The following MACF1 variants were observed in gnomAD, a reference collection of about 807,000 sequenced individuals.
MACF1 encodes the protein microtubule actin crosslinking factor 1.
MACF1 carries 193 observed loss-of-function variants against 854.8 expected under a neutral mutation model. That is an observed-to-expected ratio of 0.23 (90% CI 0.20 to 0.25). The LOEUF (loss-of-function observed/expected upper bound fraction) is 0.25, where lower values mean the gene tolerates loss of function less well. MACF1 is among the 10% of genes least tolerant of loss of function. The pLI is 1.00. For missense variants in MACF1, 7,722 were observed against 8,929.1 expected, an observed-to-expected ratio of 0.86 and a Z score of 5.45; for synonymous variants, 3,185 against 3,226.7, an observed-to-expected ratio of 0.99 and a Z score of 0.44.
chr1:39,337,417 C>G, intron 38 of MACF1, 86 bp downstream of exon 38: 3 of 1,351,126 alleles, frequency 2.2e-6, no homozygotes, highest in Non-Finnish European at 3.1e-6. Context: ...CTTACTAGAA[C>G]CTGCTTGCAC....
chr1:39,257,602 G>A (rs570608562), intron 5 of MACF1: 92 of 210,280 alleles, frequency 4.4e-4, no homozygotes, highest in African/African-American at 7.1e-4. Context: ...GCGTCTGGCC[G>A]GCAGTTTCAA....
chr1:39,340,479 G>T (rs1357484556), intron 38 of MACF1, 23 bp from the exon 39 acceptor site: 1 of 1,567,710 alleles, frequency 6.4e-7, no homozygotes, highest in Non-Finnish European at 8.7e-7. Flanking sequence ...GCTTTTATAG[G>T]TAACTCCACT....
chr1:39,336,441 A>G lies in MACF1; in HGVS notation c.9853A>G (p.Thr3285Ala). ...LFKGVSQKEN[T>A]GQQNAIISPT... is the part of the protein sequence containing the mutation. The stretch of plus-strand genomic sequence containing the variant: ...CAAAGGAGTGTCTCAAAAAGAGAAT[A>G]CAGGGCAACAGAATGCCATCATTAG... Residue 3285 changes from threonine (T) to alanine (A), a missense_variant, in exon 37 of 101, where the codon ACA (threonine) becomes GCA (alanine). Physicochemically the swap from Thr to Ala is moderately conservative, Grantham distance 58. Around this residue, in one of 15 missense-constraint regions of MACF1, gnomAD observed 854 missense variants for 852.6 expected, o/e 1.00. Coordinates refer to ENST00000564288, the MANE Select transcript of MACF1 (RefSeq NM_001394062.1). 1 of 1,614,186 alleles carries G rather than the reference A, an allele frequency of 6.2e-7. No homozygotes were observed. Among genetic ancestry groups the G allele is most frequent in the African/African-American group, 1.3e-5 (1 of 75,050 alleles).
At chr1:39,089,199 AT>A (rs953639431) in intron 2 of MACF1, among the ~76,000 whole-genome samples, 23 of 149,956 alleles carry the variant, frequency 1.5e-4, no homozygotes, top group African/African-American at 4.4e-4. Context: ...CCCTGTCTCT[AT>A]TTTTTTTTTA....
intron 52 of MACF1, among the ~76,000 whole-genome samples, chr1:39,377,005 C>T (rs1434073280): frequency 2.0e-5 from 3 of 151,220 alleles, no homozygotes; most frequent in Non-Finnish European, 4.4e-5. Context: ...TGGCCCACAA[C>T]TATTTTGTTT....
chr1:39,439,490 A>G lies in MACF1; in HGVS notation c.18437A>G (p.Glu6146Gly). ...IDPSIIKQQV[E>G]AAETIKEETD... is the part of the protein sequence containing the mutation. ...CCTTCCATCATCAAACAACAGGTTG[A>G]AGCTGCTGAGGTAAGAAGGAAACAA... is the stretch of plus-strand genomic sequence containing the variant. Residue 6146 changes from glutamate to glycine, a missense_variant, in exon 72 of 101, where the codon GAA (glutamate) becomes GGA (glycine). By Grantham distance (98) the Glu-to-Gly change is moderately conservative. This residue lies in a region of MACF1 where 2,807 missense variants were observed against 3,235.8 expected (regional missense o/e 0.87). Transcript: ENST00000564288. The G allele has an allele frequency of 1.2e-6, 2 of 1,613,886 alleles. No homozygotes were observed. The highest frequency in any genetic ancestry group is 1.7e-6 in the Non-Finnish European group (2 of 1,179,766).
chr1:39,256,484 A>G (rs142233861), intron 5 of MACF1, among the ~76,000 whole-genome samples: 92 of 152,354 alleles, frequency 6.0e-4, no homozygotes, highest in African/African-American at 2.2e-3. Flanking sequence ...TGAGAAGGTC[A>G]CTAGGGTCCT....
chr1:39,302,512 C>G (rs1646070134), intron 22 of MACF1, among the ~76,000 whole-genome samples: 2 of 152,140 alleles, frequency 1.3e-5, no homozygotes, highest in South Asian at 4.1e-4. Context: ...AATGCTTAAA[C>G]ATTTTCAGGG....
chr1:39,456,384 C>T (rs775688728), intron 89 of MACF1, among the ~76,000 whole-genome samples: 5 of 152,164 alleles, frequency 3.3e-5, no homozygotes, highest in Non-Finnish European at 7.4e-5. Flanking sequence ...ACTTTGATTA[C>T]ATGAGATAGT....
chr1:39,423,531 A>T (rs1643619324), intron 60 of MACF1, among the ~76,000 whole-genome samples: 1 of 150,204 alleles, frequency 6.7e-6, no homozygotes, highest in Non-Finnish European at 1.5e-5. Flanking sequence ...GCTACTCGGG[A>T]GGCTGAGGCA....
chr1:39,313,072 A>T (rs997736367), intron 26 of MACF1, among the ~76,000 whole-genome samples: 1 of 151,740 alleles, frequency 6.6e-6, no homozygotes, highest in Non-Finnish European at 1.5e-5. Flanking sequence ...TGACCTTAAC[A>T]TTTTTTTTAT....
intron 31 of MACF1, among the ~76,000 whole-genome samples, chr1:39,321,598 C>T: frequency 6.6e-6 from 1 of 152,178 alleles, no homozygotes; most frequent in African/African-American, 2.4e-5. Context: ...CAATAAGGAG[C>T]AGTGACTATG....
At chr1:39,112,347 G>A (rs1194209174) in intron 2 of MACF1, among the ~76,000 whole-genome samples, 1 of 152,070 alleles carries the variant, frequency 6.6e-6, no homozygotes, top group East Asian at 1.9e-4. Flanking sequence ...ACCTCTCAAA[G>A]TGCTGGGATT....
chr1:39,299,919 C>T (rs1421672923), intron 21 of MACF1, among the ~76,000 whole-genome samples: 1 of 152,118 alleles, frequency 6.6e-6, no homozygotes, highest in Non-Finnish European at 1.5e-5. Flanking sequence ...TATTTGGAAG[C>T]TAGAAGTATT....
At chr1:39,285,546 G>C (rs1645626706) in intron 13 of MACF1, 58 bp from the exon 14 acceptor site, 1 of 1,555,018 alleles carries the variant, frequency 6.4e-7, no homozygotes, top group African/African-American at 1.4e-5. Flanking sequence ...GGCTCCCTCT[G>C]TCCTAGTGAG....
chr1:39,139,893 G>C (rs893060658), intron 2 of MACF1, among the ~76,000 whole-genome samples: 1 of 151,876 alleles, frequency 6.6e-6, no homozygotes, highest in African/African-American at 2.4e-5. Flanking sequence ...AGGAAATTAA[G>C]GCTTAAGGAG....
chr1:39,295,312 C>G, intron 19 of MACF1, among the ~76,000 whole-genome samples, 162 bp downstream of exon 19: 1 of 152,184 alleles, frequency 6.6e-6, no homozygotes, highest in South Asian at 2.1e-4. Flanking sequence ...CTATGTCCCT[C>G]AAAAGCCTGC....
Position 39,429,882 on chromosome 1 carries a change from A to G in MACF1, c.16944A>G (p.Ala5648=). The change falls in exon 65 of 101, where the codon GCA becomes GCG. Residue 5648 remains alanine, a synonymous_variant. Transcript: ENST00000564288. ...EKLDGIKTRY[A]DITVTSSKAL... ...TAGATGGTATAAAGACTCGTTACGCAGACATCACAGTTACTAGCTCCAAGG... is the reference window on the plus strand; with the variant it reads ...TAGATGGTATAAAGACTCGTTACGCGGACATCACAGTTACTAGCTCCAAGG... 1 of 1,614,148 alleles carries G rather than the reference A, an allele frequency of 6.2e-7. No homozygotes were observed. The highest frequency in any genetic ancestry group is 1.1e-5 in the South Asian group (1 of 91,084).
chr1:39,293,697 C>A, intron 18 of MACF1, 78 bp downstream of exon 18: 1 of 1,317,672 alleles, frequency 7.6e-7, no homozygotes, highest in Non-Finnish European at 1.0e-6. Context: ...CTGCTGAAAG[C>A]TTGGGTGGCT....
Sources: allele counts gnomAD v4.1 joint callset (sites outside exome capture counted in the v4.1 genomes callset), GRCh38; gene constraint gnomAD v4.1.1; regional missense constraint gnomAD v4.1.1; transcripts MANE v1.5; gene names NCBI Gene and HGNC (gene_info 2026-07-23, HGNC 2026-07-21).